Variants in CD86 observed in about 807,000 individuals in gnomAD.
The protein encoded by CD86 is T-lymphocyte activation antigen CD86.
Under a neutral mutation model 32.1 loss-of-function variants are expected in CD86, and 11 were observed. That is an observed-to-expected ratio of 0.34 (90% confidence interval 0.22 to 0.57). The LOEUF is 0.57. Among genes scored for constraint, CD86 ranks in the 20% least tolerant of loss-of-function variants. CD86 has a pLI of 0.86. For missense variants in CD86, 359 were observed against 398.4 expected (o/e 0.90, Z 0.84); for synonymous variants, 137 against 135.3 (o/e 1.01, Z -0.09).
chr3:122,061,511 C>T (rs1017627649), intron 1 of CD86, among the ~76,000 whole-genome samples: 9 of 152,130 alleles, frequency 5.9e-5, no homozygotes, highest in African/African-American at 1.4e-4. Context: ...TCAGATTAGA[C>T]AGTAAAACAA....
rs2073042778 is a variant in CD86, at chr3:122,103,523, C to G, written c.76C>G (p.Leu26Val). 2 of 1,610,338 alleles carry G rather than the reference C, an allele frequency of 1.2e-6. No individual in the cohort carries two copies. The highest frequency in any genetic ancestry group is 3.4e-5 in the Admixed American group (2 of 59,638). The change falls in exon 3 of 7, where the codon CTG (leucine) becomes GTG (valine). Residue 26 changes from leucine (L) to valine (V), a missense_variant. By Grantham distance (32) the Leu-to-Val change is conservative. Transcript: ENST00000330540. Reference protein sequence around the residue: ...MAFLLSGAAPLKIQAYFNETA... With the variant: ...MAFLLSGAAPVKIQAYFNETA... ...ACCTTCTTTTTTAGGTGCTGCTCCTCTGAAGATTCAAGCTTATTTCAATGA... is the reference window on the plus strand; with the variant it reads ...ACCTTCTTTTTTAGGTGCTGCTCCTGTGAAGATTCAAGCTTATTTCAATGA...
chr3:122,101,513 A>AAAAAATAT lies in CD86; in HGVS notation c.65-1998_65-1997insAAAATATA, dbSNP rs1202377219. On this transcript the variant is annotated intron_variant, in intron 2 of 6. Coordinates refer to ENST00000330540, the MANE Select transcript of CD86 (RefSeq NM_175862.5). ...CTCTACAGAAAAAAAAAAAAAAAAAAATATATATATATATATATATATATA... is the reference window on the plus strand; with the variant it reads ...CTCTACAGAAAAAAAAAAAAAAAAAAAAAAATATATATATATATATATATATATATATA... Among the ~76,000 whole-genome samples the AAAAAATAT allele has an allele frequency of 2.8e-4, 13 of 46,340 alleles. No individual in the cohort carries two copies. The South Asian group carries it at 3.7e-3, about 13-fold the overall frequency. 30.4% of individuals were successfully genotyped at this position (46,340 alleles called of 152,430 possible).
At chr3:122,067,539 C>T (rs2072432288) in intron 1 of CD86, among the ~76,000 whole-genome samples, 1 of 152,210 alleles carries the variant, frequency 6.6e-6, no homozygotes, top group South Asian at 2.1e-4. Context: ...TAAAAATAAT[C>T]TCTTTTGTTT....
intron 1 of CD86, among the ~76,000 whole-genome samples, chr3:122,090,459 C>T (rs1323128395): frequency 6.6e-6 from 1 of 152,204 alleles, no homozygotes; most frequent in Non-Finnish European, 1.5e-5. Context: ...TTCCTTTTTA[C>T]ATTGGCTGTT....
chr3:122,071,914 G>A lies in CD86; in HGVS notation c.14+16411G>A, dbSNP rs567587061. Among the ~76,000 whole-genome samples the A allele has an allele frequency of 4.9e-5, 6 of 122,616 alleles. No individual in the cohort carries two copies. In the South Asian group the frequency reaches 1.0e-3, roughly 21 times the overall value. The allele number at this position is 122,616 out of a possible 152,430, so 80.4% of individuals were successfully genotyped here. A position where few individuals can be genotyped will look rare whatever the true frequency, so the allele number is the denominator to read the frequency against. ...CCCACAACAGTCCCCAGAGTGTGATGTTCCCCTTCCTGTGTCCATGTGTTC... is the reference window on the plus strand; with the variant it reads ...CCCACAACAGTCCCCAGAGTGTGATATTCCCCTTCCTGTGTCCATGTGTTC... On this transcript the variant is annotated intron_variant, in intron 1 of 6. Transcript: ENST00000330540.
chr3:122,086,735 C>G (rs553535367), intron 1 of CD86: 2 of 397,686 alleles, frequency 5.0e-6, no homozygotes, highest in African/African-American at 4.1e-5. Flanking sequence ...CTTTGGGGCC[C>G]CTTCTTCTCC....
chr3:122,076,818 G>A (rs377603616), intron 1 of CD86, among the ~76,000 whole-genome samples: 2 of 152,210 alleles, frequency 1.3e-5, no homozygotes, highest in South Asian at 2.1e-4. Context: ...CAACAATGCA[G>A]CAAAGAAGTG....
At chr3:122,078,990 A>T (rs560827767) in intron 1 of CD86, among the ~76,000 whole-genome samples, 1 of 152,352 alleles carries the variant, frequency 6.6e-6, no homozygotes, top group Admixed American at 6.5e-5. Flanking sequence ...GGAAGCTTTT[A>T]TAAATCTCTA....
At position 122,110,432 on chromosome 3, in the gene CD86, G is replaced by T. The variant is rs111598979; in HGVS notation, c.847+1024G>T. On this transcript the variant is annotated intron_variant, in intron 5 of 6. Transcript: ENST00000330540. Reference sequence around the variant, plus strand: ...AATTGCCTCCAGTAGTAATTAGTTTGATTGGTGCTAATAATTAAGGTAACC... The same window carrying T: ...AATTGCCTCCAGTAGTAATTAGTTTTATTGGTGCTAATAATTAAGGTAACC... 1.1e-4 allele frequency among the ~76,000 whole-genome samples: 16 copies of T among 152,292 alleles called. No homozygotes were observed. In the South Asian group the frequency reaches 3.1e-3, roughly 30 times the overall value.
At chr3:122,101,698 T>C (rs1338393877) in intron 2 of CD86, among the ~76,000 whole-genome samples, 11 of 151,846 alleles carry the variant, frequency 7.2e-5, no homozygotes, top group Non-Finnish European at 1.6e-4. Context: ...CTATATTACA[T>C]GACAATTTAG....
At chr3:122,097,091 C>T (rs1472011541) in intron 2 of CD86, among the ~76,000 whole-genome samples, 1 of 152,192 alleles carries the variant, frequency 6.6e-6, no homozygotes, top group Admixed American at 6.5e-5. Flanking sequence ...ATTTTCCTAA[C>T]ACTCTCGCGG....
rs536147272 is a variant in CD86, at chr3:122,102,660, A to G, written c.65-852A>G. 2.2e-3 allele frequency among the ~76,000 whole-genome samples: 334 copies of G among 152,182 alleles called. 1 individual carries two copies. The highest frequency in any genetic ancestry group is 4.0e-3 in the Non-Finnish European group (271 of 67,984). On this transcript the variant is annotated intron_variant, in intron 2 of 6. Coordinates refer to ENST00000330540, the MANE Select transcript of CD86 (RefSeq NM_175862.5). ...GTTTGTGGTGCCTGGGGTTTCCCCAATACTCCCAAAGCACATCCTCACCTG... is the reference window on the plus strand; with the variant it reads ...GTTTGTGGTGCCTGGGGTTTCCCCAGTACTCCCAAAGCACATCCTCACCTG...
At chr3:122,108,721 G>C (rs1227116620) in intron 4 of CD86, among the ~76,000 whole-genome samples, 1 of 152,178 alleles carries the variant, frequency 6.6e-6, no homozygotes, top group Non-Finnish European at 1.5e-5. Context: ...AAGCCATGCA[G>C]AGGAAACCTG....
chr3:122,107,712 C>T (rs940975601), intron 4 of CD86, among the ~76,000 whole-genome samples: 7 of 152,192 alleles, frequency 4.6e-5, no homozygotes, highest in African/African-American at 1.7e-4. Flanking sequence ...CCATCCAACT[C>T]CTTGCTCCAT....
chr3:122,093,633 A>T (rs2072861889), intron 2 of CD86, among the ~76,000 whole-genome samples: 1 of 152,206 alleles, frequency 6.6e-6, no homozygotes, highest in Non-Finnish European at 1.5e-5. Flanking sequence ...ATGGTGTTAT[A>T]ATCTTATGGG....
At chr3:122,059,933 A>G (rs1190218061) in intron 1 of CD86, among the ~76,000 whole-genome samples, 1 of 152,178 alleles carries the variant, frequency 6.6e-6, no homozygotes, top group Non-Finnish European at 1.5e-5. Flanking sequence ...AAGGCTCGCA[A>G]CAGATTCTTT....
At chr3:122,105,458 A>G (rs2073076101) in intron 3 of CD86, among the ~76,000 whole-genome samples, 3 of 152,194 alleles carry the variant, frequency 2.0e-5, no homozygotes, top group Admixed American at 2.0e-4. Flanking sequence ...GTAACTATAA[A>G]AGAACAAGGG....
Position 122,103,819 on chromosome 3 carries a change from C to T in CD86, c.372C>T (p.His124=), listed in dbSNP as rs1559910826. The T allele has an allele frequency of 2.5e-6, 4 of 1,613,594 alleles. No individual in the cohort carries two copies. Among genetic ancestry groups the T allele is most frequent in the Non-Finnish European group, 3.4e-6 (4 of 1,179,608 alleles). Residue 124 remains histidine (H), a synonymous_variant, in exon 3 of 7, where the codon CAC becomes CAT. Transcript: ENST00000330540. The part of the protein sequence containing the change: ...HKKPTGMIRI[H]QMNSELSVLA... ...AGCCCACAGGAATGATTCGCATCCA[C>T]CAGATGAATTCTGAACTGTCAGTGC... is the stretch of plus-strand genomic sequence containing the variant.
intron 3 of CD86, among the ~76,000 whole-genome samples, chr3:122,105,666 C>T (rs2073079184): frequency 6.6e-6 from 1 of 152,170 alleles, no homozygotes; most frequent in African/African-American, 2.4e-5. Flanking sequence ...TGCCAAAAAT[C>T]AGTGTTCTGA....
Sources: gnomAD v4.1 joint callset for allele counts (sites outside exome capture counted in the v4.1 genomes callset) on GRCh38, gnomAD v4.1.1 for gene constraint, MANE v1.5 for transcripts, NCBI Gene and HGNC (gene_info 2026-07-23, HGNC 2026-07-21) for gene names.